Variants in ADPRHL1 observed in about 807,000 individuals in gnomAD.
The protein encoded by ADPRHL1 is inactive ADP-ribosyltransferase ARH2.
Under a neutral mutation model 44.1 loss-of-function variants are expected in ADPRHL1, and 43 were observed. That is an observed-to-expected ratio of 0.98 (90% CI 0.76 to 1.26). The LOEUF is 1.26. ADPRHL1 is among the 50% of genes most tolerant of loss of function. The pLI is 0.00. For synonymous variants in ADPRHL1, 878 were observed against 1,017.4 expected (o/e 0.86, Z 2.61); for missense variants, 2,022 against 2,496.9 (o/e 0.81, Z 4.05).
rs116703087 is a variant in ADPRHL1 at position 113,399,934 on chromosome 13, G to A, written c.*3444C>T. 398 of 151,728 alleles carry A rather than the reference G, an allele frequency of 2.6e-3. 5 individuals are homozygous for A. Among genetic ancestry groups the A allele is most frequent in the African/African-American group, 8.2e-3 (339 of 41,424 alleles). 9.4% of individuals were successfully genotyped at this position (151,728 alleles called of 1,614,324 possible). A position where few individuals can be genotyped will look rare whatever the true frequency, so the allele number is the denominator to read the frequency against. On this transcript the variant is annotated 3_prime_UTR_variant, in exon 8 of 8. Coordinates refer to ENST00000612156, the MANE Select transcript of ADPRHL1 (RefSeq NM_001394807.1). ...ATGACCACATTCTCGTCGCCGTCTC[G>A]GGACCTTCCTGCCGCCTGAGTGCAC...
At chr13:113,414,665 G>A (rs926399615) in intron 7 of ADPRHL1, among the ~76,000 whole-genome samples, 1 of 151,090 alleles carries the variant, frequency 6.6e-6, no homozygotes, top group African/African-American at 2.4e-5. Context: ...CTGAGCAGGG[G>A]TCTTCTGTTT....
At chr13:113,446,852 G>A (rs1423294856) in intron 1 of ADPRHL1, among the ~76,000 whole-genome samples, 1 of 152,034 alleles carries the variant, frequency 6.6e-6, no homozygotes, top group Non-Finnish European at 1.5e-5. Flanking sequence ...GTGTGTGCAT[G>A]GTGTCTACAT....
rs1259879976 is a variant in ADPRHL1, at chr13:113,399,809, G to A, written c.*3569C>T. 6.6e-6 allele frequency: 1 copy of A among 151,924 alleles called. No homozygotes were observed. 9.4% of individuals were successfully genotyped at this position (151,924 alleles called of 1,614,324 possible). On this transcript the variant is annotated 3_prime_UTR_variant, in exon 8 of 8. Coordinates refer to ENST00000612156, the MANE Select transcript of ADPRHL1 (RefSeq NM_001394807.1). Reference sequence around the variant, plus strand: ...TAGCCTAATACACAACCGAAAGACCGTAACTCCAACAGCAGAGATACCCTG... The same window carrying A: ...TAGCCTAATACACAACCGAAAGACCATAACTCCAACAGCAGAGATACCCTG...
Position 113,407,715 on chromosome 13 carries a change from G to C in ADPRHL1, c.1567C>G (p.Arg523Gly). 1 of 1,232,120 alleles carries C rather than the reference G, an allele frequency of 8.1e-7. No homozygotes were observed. The highest frequency in any genetic ancestry group is 1.0e-6 in the Non-Finnish European group (1 of 988,032). 76.3% of individuals were successfully genotyped at this position (1,232,120 alleles called of 1,614,324 possible). A position where few individuals can be genotyped will look rare whatever the true frequency, so the allele number is the denominator to read the frequency against. Reference protein sequence around the residue: ...EEKEAKEKEAREKPPVERPKA... With the variant: ...EEKEAKEKEAGEKPPVERPKA... ...GGCCGCTCCACAGGGGGCTTCTCGC[G>C]TGCTTCTTTCTCCTTCGCCTCCTTC... is the stretch of plus-strand genomic sequence containing the variant. The change falls in exon 8 of 8, where the codon CGC becomes GGC. Residue 523 changes from arginine to glycine, a missense_variant. Arg to Gly is a moderately radical substitution (Grantham distance 125, BLOSUM62 -2). Around this residue, in one of 8 missense-constraint regions of ADPRHL1, gnomAD observed 1,221 missense variants for 1,517.8 expected, o/e 0.80. Transcript: ENST00000612156.
intron 2 of ADPRHL1, among the ~76,000 whole-genome samples, chr13:113,442,791 T>C (rs1246995719): frequency 6.6e-6 from 1 of 152,200 alleles, no homozygotes; most frequent in East Asian, 1.9e-4. Flanking sequence ...TATGTTGCTT[T>C]TGTTCTCCTC....
chr13:113,416,378 G>A (rs73571495), intron 7 of ADPRHL1, among the ~76,000 whole-genome samples: 3,206 of 152,158 alleles, frequency 0.021, 42 homozygotes, highest in African/African-American at 0.036. Context: ...CTGGTAAACC[G>A]GCAGTGACCA....
chr13:113,428,438 C>T (rs2043982505), intron 4 of ADPRHL1, among the ~76,000 whole-genome samples: 1 of 152,224 alleles, frequency 6.6e-6, no homozygotes. Flanking sequence ...CGCCCCCTCC[C>T]CTCTTAGACG....
chr13:113,425,648 A>G (rs1376990921), intron 4 of ADPRHL1, among the ~76,000 whole-genome samples: 1 of 149,700 alleles, frequency 6.7e-6, no homozygotes, highest in Non-Finnish European at 1.5e-5. Context: ...TTGGGATTAC[A>G]GGCGTGAGCC....
chr13:113,434,027 C>A (rs1180523538), intron 2 of ADPRHL1, among the ~76,000 whole-genome samples, 160 bp from the exon 3 acceptor site: 1 of 66,424 alleles, frequency 1.5e-5, no homozygotes, highest in East Asian at 2.6e-4. Context: ...CCACTCAAGT[C>A]CTGCAGCAGA....
intron 7 of ADPRHL1, chr13:113,422,081 G>C (rs554009867): frequency 6.6e-6 from 1 of 152,208 alleles, no homozygotes; most frequent in Non-Finnish European, 1.5e-5. Flanking sequence ...GCGCTTCCTC[G>C]TCAGCGAGCC....
In ADPRHL1 at chr13:113,441,171, C is replaced by A. The variant is rs2044095668; in HGVS notation, c.379+3254G>T. 6.6e-6 allele frequency among the ~76,000 whole-genome samples: 1 copy of A among 152,070 alleles called. No homozygotes were observed. The highest frequency in any genetic ancestry group is 2.4e-5 in the African/African-American group (1 of 41,394). ...CCATCTCAAAATTAAAAAGTTGTTT[C>A]TTATAAGCAGCACATAGTTGGGGGC... On this transcript the variant is annotated intron_variant, in intron 2 of 7. Transcript: ENST00000612156. This position sits in a 1 kb window ranked among gnomAD's most constrained non-coding sequence, Gnocchi z 6.0.
chr13:113,403,402 G>A lies in ADPRHL1; in HGVS notation c.5880C>T (p.Ser1960=), dbSNP rs1467780154. The A allele has an allele frequency of 4.9e-6, 6 of 1,232,082 alleles. No individual in the cohort carries two copies. Among genetic ancestry groups the A allele is most frequent in the Non-Finnish European group, 6.1e-6 (6 of 987,966 alleles). 76.3% of individuals were successfully genotyped at this position (1,232,082 alleles called of 1,614,324 possible). The part of the protein sequence containing the change: ...LSFRPMSVRA[S]DTSELPK ...CTCACTTTGGGAGCTCAGACGTGTC[G>A]CTGGCCCTGACGCTCATTGGTCTGA... The change falls in exon 8 of 8, where the codon AGC becomes AGT. Residue 1960 remains serine (S), a synonymous_variant. Transcript: ENST00000612156.
chr13:113,439,186 A>C (rs2044080905), intron 2 of ADPRHL1, among the ~76,000 whole-genome samples: 1 of 151,194 alleles, frequency 6.6e-6, no homozygotes, highest in Non-Finnish European at 1.5e-5. Context: ...GCAATGGCAC[A>C]ATCTCAGCTC....
chr13:113,425,097 AT>A lies in ADPRHL1; in HGVS notation c.728del (p.Asn243IlefsTer36). 6.2e-7 allele frequency: 1 copy of A among 1,613,486 alleles called. No individual in the cohort carries two copies. ...CATAATTGTCGGGGAAGATGGCTTT[AT>A]TTTCTGAGTCTTTACTGATTTTCCT... ...EERKISKDSE[N>X]KAIFPDNYDA... On this transcript the variant is annotated frameshift_variant, in exon 5 of 8. Coordinates refer to ENST00000612156, the MANE Select transcript of ADPRHL1 (RefSeq NM_001394807.1). LOFTEE classifies it high-confidence loss of function.
intron 7 of ADPRHL1, among the ~76,000 whole-genome samples, chr13:113,414,407 T>C (rs2043876724): frequency 6.7e-6 from 1 of 150,150 alleles, no homozygotes; most frequent in Non-Finnish European, 1.5e-5. Flanking sequence ...CTTGGCAGAT[T>C]GGCCCCCACC....
chr13:113,430,921 C>T (rs899524979), intron 3 of ADPRHL1, among the ~76,000 whole-genome samples: 1 of 152,236 alleles, frequency 6.6e-6, no homozygotes, highest in African/African-American at 2.4e-5. Context: ...CTGGGCACTG[C>T]TCCCAGGGTG....
chr13:113,430,765 G>A (rs1367546824), intron 3 of ADPRHL1, among the ~76,000 whole-genome samples: 1 of 151,826 alleles, frequency 6.6e-6, no homozygotes, highest in African/African-American at 2.4e-5. Context: ...AGTGGCACTA[G>A]TGGTGGCGGT....
chr13:113,430,112 A>G (rs1471639622), intron 3 of ADPRHL1, among the ~76,000 whole-genome samples: 2 of 152,206 alleles, frequency 1.3e-5, no homozygotes, highest in Admixed American at 1.3e-4. Flanking sequence ...CTGGGTGCGC[A>G]GCTCTCAGGG....
chr13:113,427,010 G>T (rs1449695131), intron 4 of ADPRHL1, among the ~76,000 whole-genome samples: 5 of 152,178 alleles, frequency 3.3e-5, no homozygotes, highest in African/African-American at 1.2e-4. Flanking sequence ...TGTGTCAAGG[G>T]AATTCATGAA....
Sources: allele counts gnomAD v4.1 joint callset (sites outside exome capture counted in the v4.1 genomes callset), GRCh38; gene constraint gnomAD v4.1.1; regional missense constraint gnomAD v4.1.1; non-coding constraint Gnocchi (gnomAD v3.1); transcripts MANE v1.5; gene names NCBI Gene and HGNC (gene_info 2026-07-23, HGNC 2026-07-21).